GPR137B: variants seen among roughly 807,000 people sequenced by gnomAD.
GPR137B encodes integral membrane protein GPR137B.
In GPR137B, 42 loss-of-function variants were observed where a neutral mutation model predicts 42.5. The observed-to-expected ratio is 0.99, with a 90% CI of 0.77 to 1.28. The LOEUF (loss-of-function observed/expected upper bound fraction) is 1.28, where lower values mean the gene tolerates loss of function less well. Ranked by LOEUF, GPR137B falls within the 50% of genes most tolerant of loss-of-function variation. The pLI is 0.00. For missense variants in GPR137B, 487 were observed against 493.9 expected, an observed-to-expected ratio of 0.99 and a Z score of 0.13; for synonymous variants, 218 against 209.7, an observed-to-expected ratio of 1.04 and a Z score of -0.34.
At position 236,208,317 on chromosome 1, in the gene GPR137B, C is replaced by CTGA; in HGVS notation, c.*161_*163dup. 1 of 1,386,666 alleles carries CTGA rather than the reference C, an allele frequency of 7.2e-7. No homozygotes were observed. Among genetic ancestry groups the CTGA allele is most frequent in the South Asian group, 1.9e-5 (1 of 53,408 alleles). The allele number at this position is 1,386,666 out of a possible 1,614,324, so 85.9% of individuals were successfully genotyped here. A position where few individuals can be genotyped will look rare whatever the true frequency, so the allele number is the denominator to read the frequency against. ...CCATAGGAATAAGCAATAATGTAGA[C>CTGA]TGATAAACCCTTATTTTAGTACTAA... On this transcript the variant is annotated 3_prime_UTR_variant, in exon 7 of 7. Coordinates refer to ENST00000366592, the MANE Select transcript of GPR137B (RefSeq NM_003272.4).
chr1:236,178,785 G>GGTTTTTTTTTTTTTTTTTTT (rs1662771288), intron 3 of GPR137B, 149 bp downstream of exon 3: 1 of 48,310 alleles, frequency 2.1e-5, no homozygotes, highest in African/African-American at 6.6e-5. Context: ...GCTACTCGAG[G>GGTTTTTTTTTTTTTTTTTTT]TTTTTTTTTT....
chr1:236,201,143 G>A (rs574138256), intron 5 of GPR137B, among the ~76,000 whole-genome samples: 1 of 152,072 alleles, frequency 6.6e-6, no homozygotes, highest in South Asian at 2.1e-4. Context: ...TGTTTGAAGA[G>A]GCTAAAGATA....
At chr1:236,164,597 C>G (rs1159884092) in intron 1 of GPR137B, among the ~76,000 whole-genome samples, 1 of 152,226 alleles carries the variant, frequency 6.6e-6, no homozygotes, top group Non-Finnish European at 1.5e-5. Context: ...TTAGCAAAGT[C>G]TCTCAGAACA....
chr1:236,157,438 T>C (rs1662065471), intron 1 of GPR137B, among the ~76,000 whole-genome samples: 1 of 152,158 alleles, frequency 6.6e-6, no homozygotes, highest in African/African-American at 2.4e-5. Flanking sequence ...TTAGCCAGGA[T>C]GGTCTTGATC....
intron 1 of GPR137B, among the ~76,000 whole-genome samples, chr1:236,147,222 C>T (rs955800743): frequency 1.3e-5 from 2 of 152,212 alleles, no homozygotes; most frequent in Non-Finnish European, 2.9e-5. Flanking sequence ...ATGCTCTCAG[C>T]CTCTCCCCTT....
At chr1:236,147,313 C>T (rs572306550) in intron 1 of GPR137B, among the ~76,000 whole-genome samples, 25 of 152,354 alleles carry the variant, frequency 1.6e-4, no homozygotes, top group African/African-American at 6.0e-4. Context: ...GCTCTGGCGC[C>T]GCCTCTGTGG....
intron 5 of GPR137B, among the ~76,000 whole-genome samples, chr1:236,188,610 A>G (rs1394447143): frequency 1.3e-5 from 2 of 152,038 alleles, no homozygotes; most frequent in Admixed American, 6.6e-5. Context: ...TGTTTATGTG[A>G]TGGATTACGT....
rs139812774 is a variant in GPR137B, at chr1:236,180,837, C to T, written c.837+809C>T. 6.3e-4 allele frequency among the ~76,000 whole-genome samples: 96 copies of T among 152,070 alleles called. 2 individuals are homozygous for T. In the East Asian group the frequency reaches 0.016, roughly 25 times the overall value. On this transcript the variant is annotated intron_variant, in intron 4 of 6. Coordinates refer to ENST00000366592, the MANE Select transcript of GPR137B (RefSeq NM_003272.4). ...TTCACCATGTTGGCCAGGCTGGTCT[C>T]GAACTCCTACCTCAGGTGATCCACC... is the stretch of plus-strand genomic sequence containing the variant.
At position 236,156,277 on chromosome 1, in the gene GPR137B, G is replaced by T. The variant is rs115364409; in HGVS notation, c.415-12429G>T. Among the ~76,000 whole-genome samples, 1 of 152,186 alleles carries T rather than the reference G, an allele frequency of 6.6e-6. No individual in the cohort carries two copies. Among genetic ancestry groups the T allele is most frequent in the Non-Finnish European group, 1.5e-5 (1 of 68,038 alleles). The stretch of plus-strand genomic sequence containing the variant: ...CAAAGTCAAAGGTGGGAGGTGATGC[G>T]GTGAACACCTGACCATGTATTCCAG... On this transcript the variant is annotated intron_variant, in intron 1 of 6. Coordinates refer to ENST00000366592, the MANE Select transcript of GPR137B (RefSeq NM_003272.4). This position sits in a 1 kb window ranked among gnomAD's most constrained non-coding sequence, Gnocchi z 4.8.
In GPR137B at chr1:236,205,266, A is replaced by C. The variant is rs1274865505; in HGVS notation, c.1091+16A>C. On this transcript the variant is annotated intron_variant, in intron 6 of 6. Coordinates refer to ENST00000366592, the MANE Select transcript of GPR137B (RefSeq NM_003272.4). ...TTCAGGGAGGGTAAGACCCTACTTCATGTTAGACAAGCCTCATCAGGAGGG... is the reference window on the plus strand; with the variant it reads ...TTCAGGGAGGGTAAGACCCTACTTCCTGTTAGACAAGCCTCATCAGGAGGG... 1 of 1,606,844 alleles carries C rather than the reference A, an allele frequency of 6.2e-7. No homozygotes were observed. The highest frequency in any genetic ancestry group is 1.3e-5 in the African/African-American group (1 of 74,804).
At chr1:236,200,394 T>C (rs1663457306) in intron 5 of GPR137B, among the ~76,000 whole-genome samples, 1 of 152,060 alleles carries the variant, frequency 6.6e-6, no homozygotes, top group Admixed American at 6.5e-5. Context: ...TTTAAGTCCA[T>C]TGTTTCTTTG....
chr1:236,168,636 C>T (rs1041914710), intron 1 of GPR137B, 70 bp from the exon 2 acceptor site: 1 of 1,148,994 alleles, frequency 8.7e-7, no homozygotes, highest in Non-Finnish European at 1.3e-6. Flanking sequence ...GAGGAATTCC[C>T]AGTGATGGTA....
intron 5 of GPR137B, 54 bp from the exon 6 acceptor site, chr1:236,205,068 TTGTC>T (rs1663614624): frequency 6.9e-7 from 1 of 1,455,514 alleles, no homozygotes; most frequent in Non-Finnish European, 9.5e-7. Flanking sequence ...GATCTTATTT[TTGTC>T]TGGTGCAAGG....
rs1200874846 is a variant in GPR137B, at chr1:236,150,175, TTG to T, written c.414+7143_414+7144del. ...TGTGTCTGTGCATGTGTGTGCCCGT[TTG>T]TGTTTGTGTGTGTCTGTGTGCCTGT... On this transcript the variant is annotated intron_variant, in intron 1 of 6. Transcript: ENST00000366592. This position sits in a 1 kb window ranked among gnomAD's most constrained non-coding sequence, Gnocchi z 6.2. Among the ~76,000 whole-genome samples the T allele has an allele frequency of 7.1e-6, 1 of 140,912 alleles. No individual in the cohort carries two copies. Among genetic ancestry groups the T allele is most frequent in the Non-Finnish European group, 1.6e-5 (1 of 64,502 alleles). 92.4% of individuals were successfully genotyped at this position (140,912 alleles called of 152,430 possible). A position where few individuals can be genotyped will look rare whatever the true frequency, so the allele number is the denominator to read the frequency against.
At chr1:236,201,259 C>T (rs1663484414) in intron 5 of GPR137B, among the ~76,000 whole-genome samples, 2 of 151,964 alleles carry the variant, frequency 1.3e-5, no homozygotes, top group African/African-American at 4.8e-5. Flanking sequence ...CTGACTGTGC[C>T]TGATCATCTT....
chr1:236,194,235 TTGAGAA>T (rs1663277742), intron 5 of GPR137B, among the ~76,000 whole-genome samples: 1 of 152,190 alleles, frequency 6.6e-6, no homozygotes, highest in African/African-American at 2.4e-5. Flanking sequence ...CATCATAATT[TTGAGAA>T]GCATCTGTAT....
Position 236,208,735 on chromosome 1 carries a change from G to C in GPR137B, c.*577G>C. 1 of 984,848 alleles carries C rather than the reference G, an allele frequency of 1.0e-6. No individual in the cohort carries two copies. 61.0% of individuals were successfully genotyped at this position (984,848 alleles called of 1,614,324 possible). The stretch of plus-strand genomic sequence containing the variant: ...AAAGCAGCAGACTGTAAGGTCTTTA[G>C]AGATTTTTTTTTTAAGGTTCAGGCC... On this transcript the variant is annotated 3_prime_UTR_variant, in exon 7 of 7. Transcript: ENST00000366592.
Position 236,208,033 on chromosome 1 carries a change from A to AT in GPR137B, c.1092-10dup, listed in dbSNP as rs759232421. On this transcript the variant is annotated splice_polypyrimidine_tract_variant and intron_variant, in intron 6 of 6. Coordinates refer to ENST00000366592, the MANE Select transcript of GPR137B (RefSeq NM_003272.4). ...ATATAATGTTTCAAGTCACTGAAATATTTTTTTCTTTTTAAGTTTTGCTCC... is the reference window on the plus strand; with the variant it reads ...ATATAATGTTTCAAGTCACTGAAATATTTTTTTTCTTTTTAAGTTTTGCTCC... 3.2e-6 allele frequency: 5 copies of AT among 1,582,778 alleles called. No homozygotes were observed. Among genetic ancestry groups the AT allele is most frequent in the Non-Finnish European group, 3.5e-6 (4 of 1,152,740 alleles).
chr1:236,182,279 T>G (rs1662908575), intron 4 of GPR137B, among the ~76,000 whole-genome samples: 1 of 152,152 alleles, frequency 6.6e-6, no homozygotes, highest in Non-Finnish European at 1.5e-5. Flanking sequence ...TCTCTAGAAT[T>G]TTTTCATCTT....
Sources: allele counts gnomAD v4.1 joint callset (sites outside exome capture counted in the v4.1 genomes callset), GRCh38; gene constraint gnomAD v4.1.1; non-coding constraint Gnocchi (gnomAD v3.1); transcripts MANE v1.5; gene names NCBI Gene and HGNC (gene_info 2026-07-23, HGNC 2026-07-21).